PPP1R1C: variants seen among roughly 807,000 people sequenced by gnomAD.
The protein encoded by PPP1R1C is protein phosphatase 1 regulatory inhibitor subunit 1C.
In PPP1R1C, 15 loss-of-function variants were observed where a neutral mutation model predicts 17.4. The ratio of observed to expected loss-of-function variants is 0.86; its 90% CI spans 0.58 to 1.33. The LOEUF (loss-of-function observed/expected upper bound fraction) is 1.33. Ranked by LOEUF, PPP1R1C falls within the 40% of genes most tolerant of loss-of-function variation. The pLI is 0.00. For synonymous variants in PPP1R1C, 35 were observed against 43.1 expected (o/e 0.81, Z 0.73); for missense variants, 143 against 130.0 (o/e 1.10, Z -0.48).
chr2:182,096,586 A>C (rs149409949), intron 4 of PPP1R1C, among the ~76,000 whole-genome samples: 2 of 151,982 alleles, frequency 1.3e-5, no homozygotes, highest in Admixed American at 6.6e-5. Flanking sequence ...CCTATTTTCT[A>C]TCTTCAGTGG....
At chr2:182,077,602 A>T (rs1427978787) in intron 4 of PPP1R1C, among the ~76,000 whole-genome samples, 1 of 152,192 alleles carries the variant, frequency 6.6e-6, no homozygotes, top group African/African-American at 2.4e-5. Context: ...AATAGACCAG[A>T]GCAGATCCCA....
In PPP1R1C at chr2:181,962,253, C is replaced by T; in HGVS notation, n.111+7619C>T. ...ATTGTCTCCTTCTTATTCTGGATGCCTCCCATTCCTGCCAGACCCCCGGCC... is the reference window on the plus strand; with the variant it reads ...ATTGTCTCCTTCTTATTCTGGATGCTTCCCATTCCTGCCAGACCCCCGGCC... On this transcript the variant is annotated intron_variant and non_coding_transcript_variant, in intron 1 of 5. Coordinates refer to the PPP1R1C transcript ENST00000464264. The surrounding 1 kb of genome is among the most constrained non-coding windows in gnomAD (Gnocchi z 6.0). 1.4e-6 allele frequency: 1 copy of T among 732,612 alleles called. No individual in the cohort carries two copies. The highest frequency in any genetic ancestry group is 2.5e-6 in the Non-Finnish European group (1 of 406,894). 45.4% of individuals were successfully genotyped at this position (732,612 alleles called of 1,614,324 possible).
intron 2 of PPP1R1C, among the ~76,000 whole-genome samples, chr2:182,030,330 C>CTA (rs1686779062): frequency 6.6e-6 from 1 of 152,078 alleles, no homozygotes; most frequent in Non-Finnish European, 1.5e-5. Flanking sequence ...TGTTTTTTCC[C>CTA]CATCTTTGTG....
chr2:182,094,073 G>A (rs1381632473), intron 4 of PPP1R1C, among the ~76,000 whole-genome samples: 3 of 152,116 alleles, frequency 2.0e-5, no homozygotes, highest in African/African-American at 7.2e-5. Context: ...ACAAAAGAAA[G>A]TCATGATCTT....
At chr2:182,056,651 C>A (rs1687692276) in intron 2 of PPP1R1C, among the ~76,000 whole-genome samples, 1 of 152,144 alleles carries the variant, frequency 6.6e-6, no homozygotes, top group Admixed American at 6.6e-5. Context: ...CCAAAGCATT[C>A]TATATATGGG....
At chr2:182,085,147 A>G (rs543542427) in intron 4 of PPP1R1C, among the ~76,000 whole-genome samples, 2 of 152,214 alleles carry the variant, frequency 1.3e-5, no homozygotes, top group Admixed American at 1.3e-4. Context: ...ATATAAATCT[A>G]GGAGTATTTT....
At chr2:182,107,258 T>TAA (rs58738423) in intron 4 of PPP1R1C, among the ~76,000 whole-genome samples, 53,736 of 151,874 alleles carry the variant, frequency 0.35, 10,042 homozygotes, top group Non-Finnish European at 0.41. Flanking sequence ...GACTTTTAAG[T>TAA]AGAGACGTCA....
In PPP1R1C at chr2:182,036,120, A is replaced by G. The variant is rs182655776; in HGVS notation, c.143-25322A>G. The stretch of plus-strand genomic sequence containing the variant: ...GTTAGAAGGCTGAAACTACAAATTC[A>G]ACCTGAATTTGATTTCAATTTATTT... On this transcript the variant is annotated intron_variant, in intron 2 of 4. Coordinates refer to ENST00000682840, the MANE Select transcript of PPP1R1C (RefSeq NM_001080545.3). 1.9e-3 allele frequency among the ~76,000 whole-genome samples: 291 copies of G among 152,304 alleles called. 1 individual carries two copies. Among genetic ancestry groups the G allele is most frequent in the South Asian group, 0.015 (70 of 4,820 alleles).
At position 181,967,424 on chromosome 2, in the gene PPP1R1C, G is replaced by C. The variant is rs1423555123; in HGVS notation, n.112-7795G>C. ...GAAGATTTTCCACTTTGTTGATGTG[G>C]GTGCTTATTGCTATAAACTTTCTTC... On this transcript the variant is annotated intron_variant and non_coding_transcript_variant, in intron 1 of 5. Transcript: ENST00000464264. The surrounding 1 kb of genome is among the most constrained non-coding windows in gnomAD (Gnocchi z 5.5). Among the ~76,000 whole-genome samples, 1 of 151,864 alleles carries C rather than the reference G, an allele frequency of 6.6e-6. No homozygotes were observed. Among genetic ancestry groups the C allele is most frequent in the Non-Finnish European group, 1.5e-5 (1 of 67,976 alleles).
At position 181,959,032 on chromosome 2, in the gene PPP1R1C, G is replaced by A. The variant is rs138543991; in HGVS notation, n.111+4398G>A. On this transcript the variant is annotated intron_variant and non_coding_transcript_variant, in intron 1 of 5. Coordinates refer to the PPP1R1C transcript ENST00000464264. ...TGCATAGACTACACATATGTTAAGCGTTAGTATAATAGATATTACCATATA... is the reference window on the plus strand; with the variant it reads ...TGCATAGACTACACATATGTTAAGCATTAGTATAATAGATATTACCATATA... 7.2e-5 allele frequency among the ~76,000 whole-genome samples: 11 copies of A among 152,298 alleles called. No homozygotes were observed. In the East Asian group the frequency reaches 1.5e-3, roughly 21 times the overall value.
At chr2:182,122,241 T>G (rs1230408241), downstream of PPP1R1C, among the ~76,000 whole-genome samples, 1 of 152,184 alleles carries the variant, frequency 6.6e-6, no homozygotes, top group African/African-American at 2.4e-5. Context: ...ACTCACTAAT[T>G]TTTTTACCAT....
At chr2:182,019,255 G>A (rs909980474) in intron 2 of PPP1R1C, among the ~76,000 whole-genome samples, 6 of 152,168 alleles carry the variant, frequency 3.9e-5, no homozygotes, top group Admixed American at 3.9e-4. Context: ...AATTCCTGAA[G>A]TTTCTTTGCA....
chr2:182,121,903 T>C (rs2125240692), downstream of PPP1R1C, among the ~76,000 whole-genome samples: 1 of 152,322 alleles, frequency 6.6e-6, no homozygotes, highest in African/African-American at 2.4e-5. Flanking sequence ...TCCTGCTTCT[T>C]TGATTCATCT....
chr2:182,036,418 CTAT>C (rs1312429872), intron 2 of PPP1R1C, among the ~76,000 whole-genome samples: 1 of 152,218 alleles, frequency 6.6e-6, no homozygotes, highest in South Asian at 2.1e-4. Context: ...TGGATTATTA[CTAT>C]TATTATTTGT....
chr2:181,985,678 T>A (rs1424750168), upstream of PPP1R1C, among the ~76,000 whole-genome samples: 1 of 152,154 alleles, frequency 6.6e-6, no homozygotes, highest in Non-Finnish European at 1.5e-5. This position sits in a 1 kb window ranked among gnomAD's most constrained non-coding sequence, Gnocchi z 4.1. Flanking sequence ...ATCCCTGCAA[T>A]ACTCAGAGGG....
At chr2:182,003,515 G>C (rs896535169) in intron 2 of PPP1R1C, among the ~76,000 whole-genome samples, 1 of 151,986 alleles carries the variant, frequency 6.6e-6, no homozygotes, top group Admixed American at 6.6e-5. Context: ...GGACATACAA[G>C]AAATATGTTT....
intron 4 of PPP1R1C, among the ~76,000 whole-genome samples, chr2:182,112,112 C>T (rs959443931): frequency 9.9e-5 from 15 of 152,256 alleles, no homozygotes; most frequent in Admixed American, 3.9e-4. Flanking sequence ...TGCACACCAT[C>T]GCCTTTTGGC....
chr2:182,039,529 C>A (rs923851158), intron 2 of PPP1R1C, among the ~76,000 whole-genome samples: 1 of 152,106 alleles, frequency 6.6e-6, no homozygotes, highest in African/African-American at 2.4e-5. Context: ...GGACTCTAGG[C>A]GTGTGCCATG....
At chr2:182,112,207 G>A (rs1376753130) in intron 4 of PPP1R1C, among the ~76,000 whole-genome samples, 1 of 152,078 alleles carries the variant, frequency 6.6e-6, no homozygotes, top group African/African-American at 2.4e-5. Flanking sequence ...CATACTGCTT[G>A]ATGACTATGT....
Sources: allele counts gnomAD v4.1 joint callset (sites outside exome capture counted in the v4.1 genomes callset), GRCh38; gene constraint gnomAD v4.1.1; non-coding constraint Gnocchi (gnomAD v3.1); transcripts MANE v1.5; gene names NCBI Gene and HGNC (gene_info 2026-07-23, HGNC 2026-07-21).